The following ERLEC1 variants were observed in gnomAD, a reference collection of about 807,000 sequenced individuals.
The protein encoded by ERLEC1 is endoplasmic reticulum lectin 1, also known as ER lectin.
ERLEC1 carries 47 observed loss-of-function variants against 68.0 expected under a neutral mutation model. The ratio of observed to expected loss-of-function variants is 0.69; its 90% CI spans 0.55 to 0.88. ERLEC1 has a LOEUF of 0.88. Ranked by LOEUF, ERLEC1 falls within the 40% of genes least tolerant of loss-of-function variation. ERLEC1 has a pLI of 0.00. For synonymous variants in ERLEC1, 225 were observed against 203.2 expected (o/e 1.11, Z -0.91); for missense variants, 567 against 583.8 (o/e 0.97, Z 0.30).
intron 9 of ERLEC1, among the ~76,000 whole-genome samples, chr2:53,808,682 CT>C (rs1676430567): frequency 6.6e-6 from 1 of 152,102 alleles, no homozygotes. Context: ...AAAATTTGAC[CT>C]TTTGTCTGGC....
chr2:53,795,829 T>C, intron 2 of ERLEC1, 104 bp from the exon 3 acceptor site: 3 of 735,006 alleles, frequency 4.1e-6, no homozygotes, highest in Non-Finnish European at 6.7e-6. Context: ...TTTTCTCTTT[T>C]ATTTCTAAGC....
intron 6 of ERLEC1, among the ~76,000 whole-genome samples, chr2:53,799,753 A>C (rs1376212677): frequency 6.6e-6 from 1 of 152,140 alleles, no homozygotes; most frequent in East Asian, 1.9e-4. Flanking sequence ...TAAAATGGCA[A>C]AGTCTTTGAA....
chr2:53,818,053 G>C lies in ERLEC1; in HGVS notation c.*84G>C, dbSNP rs967292375. Reference sequence around the variant, plus strand: ...ACTGTGTCTCATTATAGAGTTCTCAGCCATTGGACCTCTTCTAAAGGATGG... The same window carrying C: ...ACTGTGTCTCATTATAGAGTTCTCACCCATTGGACCTCTTCTAAAGGATGG... On this transcript the variant is annotated 3_prime_UTR_variant, in exon 14 of 14. Coordinates refer to ENST00000185150, the MANE Select transcript of ERLEC1 (RefSeq NM_015701.5). The C allele has an allele frequency of 1.4e-5, 12 of 880,506 alleles. No homozygotes were observed. The African/African-American group carries it at 2.0e-4, about 14-fold the overall frequency. The allele number at this position is 880,506 out of a possible 1,614,324, so 54.5% of individuals were successfully genotyped here.
At position 53,808,336 on chromosome 2, in the gene ERLEC1, C is replaced by A; in HGVS notation, c.917C>A (p.Ala306Glu). Residue 306 changes from alanine (A) to glutamate (E), a missense_variant, in exon 9 of 14, where the codon GCG (alanine) becomes GAG (glutamate). Coordinates refer to ENST00000185150, the MANE Select transcript of ERLEC1 (RefSeq NM_015701.5). ...TCAACTAAAGAAGAGAGATTTCCAG[C>A]GATCCACAAGTCGATTGCTATTGGC... ...LQSTKEERFPAIHKSIAIGSQ... is the reference protein window; with the variant it reads ...LQSTKEERFPEIHKSIAIGSQ... The A allele has an allele frequency of 1.9e-6, 3 of 1,614,030 alleles. No homozygotes were observed. The South Asian group carries it at 3.3e-5, about 18-fold the overall frequency.
chr2:53,817,893 T>C lies in ERLEC1; in HGVS notation c.1381-5T>C. 3.8e-6 allele frequency: 6 copies of C among 1,598,932 alleles called. No individual in the cohort carries two copies. Among genetic ancestry groups the C allele is most frequent in the Non-Finnish European group, 4.3e-6 (5 of 1,166,664 alleles). Reference sequence around the variant, plus strand: ...CTTTTTAATGGCTTTGTTGTTCTTCTTTAGGTTGAATCTCCAGTGATCTGT... The same window carrying C: ...CTTTTTAATGGCTTTGTTGTTCTTCCTTAGGTTGAATCTCCAGTGATCTGT... On this transcript the variant is annotated splice_polypyrimidine_tract_variant and splice_region_variant and intron_variant, in intron 13 of 13. Transcript: ENST00000185150.
Position 53,801,807 on chromosome 2 carries a change from G to A in ERLEC1, c.844G>A (p.Glu282Lys). The A allele has an allele frequency of 6.2e-7, 1 of 1,613,942 alleles. No homozygotes were observed. Among genetic ancestry groups the A allele is most frequent in the Non-Finnish European group, 8.5e-7 (1 of 1,179,838 alleles). Residue 282 changes from glutamate to lysine, a missense_variant, in exon 8 of 14, where the codon GAA becomes AAA. Coordinates refer to ENST00000185150, the MANE Select transcript of ERLEC1 (RefSeq NM_015701.5). ...LTLRQLEQQE[E>K]ILRVPFRRNK... ...CCTGAGGCAGCTGGAGCAGCAGGAA[G>A]AAATACTAAGGGTGCCTTTTAGGAG...
chr2:53,804,906 ATGTT>A (rs1178125855), intron 8 of ERLEC1, among the ~76,000 whole-genome samples: 1 of 148,236 alleles, frequency 6.7e-6, no homozygotes, highest in Non-Finnish European at 1.5e-5. Flanking sequence ...AGAACATGGG[ATGTT>A]TGTTTTTCCG....
intron 8 of ERLEC1, among the ~76,000 whole-genome samples, chr2:53,805,628 CAATAT>C (rs146553847): frequency 0.017 from 2,560 of 152,282 alleles, 74 homozygotes; most frequent in African/African-American, 0.059. Context: ...GATATCTCTT[CAATAT>C]ACTGATTTCC....
At position 53,795,986 on chromosome 2, in the gene ERLEC1, A is replaced by G. The variant is rs768597857; in HGVS notation, c.321A>G (p.Leu107=). 17 of 1,603,418 alleles carry G rather than the reference A, an allele frequency of 1.1e-5. No individual in the cohort carries two copies. The Admixed American group carries it at 2.1e-4, about 20-fold the overall frequency. ...GPNPRELLEP[L]FKQSSCSYRI... ...ATCCAAGAGAGCTTTTGGAGCCACT[A>G]TTTAAACAAAGCAGTTGTTCCTACA... is the stretch of plus-strand genomic sequence containing the variant. Residue 107 remains leucine, a synonymous_variant, in exon 3 of 14, where the codon CTA becomes CTG. Transcript: ENST00000185150.
chr2:53,808,576 T>G, intron 9 of ERLEC1, 116 bp downstream of exon 9: 2 of 944,696 alleles, frequency 2.1e-6, no homozygotes, highest in Non-Finnish European at 3.2e-6. Context: ...ACAGGATCCT[T>G]TCATCCCCAA....
At chr2:53,816,264 GGT>G (rs1491514676) in intron 13 of ERLEC1, among the ~76,000 whole-genome samples, 16 of 123,036 alleles carry the variant, frequency 1.3e-4, no homozygotes, top group African/African-American at 5.1e-4. Context: ...GGTTTTGGTT[GGT>G]TTTTTTTTTT....
chr2:53,818,038 A>C lies in ERLEC1; in HGVS notation c.*69A>C. The C allele has an allele frequency of 9.7e-7, 1 of 1,027,514 alleles. No homozygotes were observed. Among genetic ancestry groups the C allele is most frequent in the Non-Finnish European group, 1.5e-6 (1 of 651,436 alleles). 63.6% of individuals were successfully genotyped at this position (1,027,514 alleles called of 1,614,324 possible). Reference sequence around the variant, plus strand: ...GATAATTTCTGTCCCACTGTGTCTCATTATAGAGTTCTCAGCCATTGGACC... The same window carrying C: ...GATAATTTCTGTCCCACTGTGTCTCCTTATAGAGTTCTCAGCCATTGGACC... On this transcript the variant is annotated 3_prime_UTR_variant, in exon 14 of 14. Transcript: ENST00000185150.
chr2:53,806,288 A>G (rs528592752), intron 8 of ERLEC1, among the ~76,000 whole-genome samples: 1 of 152,316 alleles, frequency 6.6e-6, no homozygotes, highest in East Asian at 1.9e-4. Context: ...AAAAATGAAA[A>G]TGGATGTTCT....
chr2:53,806,254 A>G (rs1002806881), intron 8 of ERLEC1, among the ~76,000 whole-genome samples: 11 of 152,228 alleles, frequency 7.2e-5, no homozygotes, highest in Admixed American at 2.6e-4. Context: ...CTACCATCCT[A>G]TTTTTATTAG....
At chr2:53,809,005 T>A (rs1459690199) in intron 9 of ERLEC1, among the ~76,000 whole-genome samples, 1 of 152,204 alleles carries the variant, frequency 6.6e-6, no homozygotes, top group Non-Finnish European at 1.5e-5. Flanking sequence ...CTAGTGGAAT[T>A]TTTGTTTTAT....
intron 10 of ERLEC1, among the ~76,000 whole-genome samples, chr2:53,812,354 A>G (rs375429489): frequency 6.9e-4 from 105 of 152,340 alleles, no homozygotes; most frequent in African/African-American, 2.4e-3. Context: ...ATTTCCACAT[A>G]TAAGACAGTA....
chr2:53,787,108 C>G lies in ERLEC1; in HGVS notation c.-103C>G, dbSNP rs1206190140. On this transcript the variant is annotated 5_prime_UTR_variant, in exon 1 of 14. Transcript: ENST00000185150. ...GGCGGTTGGGCCGGTGATACCCGGG[C>G]GCTTTATAGTCCCGCCGCCTCCTCC... 1 of 1,369,566 alleles carries G rather than the reference C, an allele frequency of 7.3e-7. No individual in the cohort carries two copies. The highest frequency in any genetic ancestry group is 9.5e-7 in the Non-Finnish European group (1 of 1,049,528). The allele number at this position is 1,369,566 out of a possible 1,614,324, so 84.8% of individuals were successfully genotyped here.
intron 10 of ERLEC1, among the ~76,000 whole-genome samples, chr2:53,810,949 T>G (rs1676562041): frequency 6.6e-6 from 1 of 152,166 alleles, no homozygotes; most frequent in Non-Finnish European, 1.5e-5. Flanking sequence ...TGCCAGAAAT[T>G]TTAAATGAGA....
intron 6 of ERLEC1, among the ~76,000 whole-genome samples, chr2:53,799,734 G>A (rs1675907631): frequency 1.3e-5 from 2 of 151,918 alleles, no homozygotes; most frequent in South Asian, 4.1e-4. Context: ...ACTTTTTTTA[G>A]AAGTAAAGTA....
Sources: allele counts gnomAD v4.1 joint callset (sites outside exome capture counted in the v4.1 genomes callset), GRCh38; gene constraint gnomAD v4.1.1; transcripts MANE v1.5; gene names NCBI Gene and HGNC (gene_info 2026-07-23, HGNC 2026-07-21).